Variants in TASOR observed in about 807,000 individuals in gnomAD.
The protein encoded by TASOR is transcription activation suppressor, also known as protein TASOR.
In TASOR, 53 loss-of-function variants were observed where a neutral mutation model predicts 178.6. That is an observed-to-expected ratio of 0.30 (90% CI 0.24 to 0.37). TASOR has a LOEUF of 0.37. TASOR is among the 10% of genes least tolerant of loss of function. The pLI, the probability that TASOR is intolerant of heterozygous loss-of-function variation, is 1.00. For missense variants in TASOR, 1,815 were observed against 1,971.4 expected, an observed-to-expected ratio of 0.92 and a Z score of 1.50; for synonymous variants, 713 against 696.2, an observed-to-expected ratio of 1.02 and a Z score of -0.38.
chr3:56,643,411 G>A (rs2077168615), intron 14 of TASOR, among the ~76,000 whole-genome samples: 1 of 152,046 alleles, frequency 6.6e-6, no homozygotes, highest in Non-Finnish European at 1.5e-5. Context: ...GAATGGGTTA[G>A]GAGGTTACCT....
Position 56,620,936 on chromosome 3 carries a change from A to C in TASOR, c.*2101T>G, listed in dbSNP as rs1375601671. ...GGGAGGCTGAGGCAGGCAGATCATG[A>C]GGTCAGGAGATCAAGACCATCCTGG... On this transcript the variant is annotated 3_prime_UTR_variant, in exon 24 of 24. Coordinates refer to ENST00000683822, the MANE Select transcript of TASOR (RefSeq NM_001365635.2). 6.6e-6 allele frequency: 1 copy of C among 152,338 alleles called. No homozygotes were observed. Among genetic ancestry groups the C allele is most frequent in the East Asian group, 1.9e-4 (1 of 5,196 alleles). The allele number at this position is 152,338 out of a possible 1,614,324, so 9.4% of individuals were successfully genotyped here. A position where few individuals can be genotyped will look rare whatever the true frequency, so the allele number is the denominator to read the frequency against.
At chr3:56,682,612 A>G (rs2031905915) in intron 1 of TASOR, 64 bp downstream of exon 1, 2 of 1,372,880 alleles carry the variant, frequency 1.5e-6, no homozygotes, top group Non-Finnish European at 1.9e-6. Flanking sequence ...GAGGAGATAG[A>G]AAGATTCTAA....
intron 23 of TASOR, chr3:56,623,931 T>C: frequency 9.5e-7 from 1 of 1,047,232 alleles, no homozygotes; most frequent in Non-Finnish European, 1.4e-6. Context: ...ACTAAACTAG[T>C]TGGTTAGCAC....
intron 17 of TASOR, among the ~76,000 whole-genome samples, chr3:56,637,083 G>A (rs548587244): frequency 6.6e-5 from 10 of 152,218 alleles, no homozygotes; most frequent in East Asian, 5.8e-4. Flanking sequence ...CACGAGAGAC[G>A]ACATGAGTAG....
Position 56,646,509 on chromosome 3 carries a change from T to G in TASOR, c.2215+13A>C. The G allele has an allele frequency of 6.3e-7, 1 of 1,575,404 alleles. No individual in the cohort carries two copies. Among genetic ancestry groups the G allele is most frequent in the Non-Finnish European group, 8.6e-7 (1 of 1,164,546 alleles). ...TTATTTTTGGCTGTTATAAGAGCAA[T>G]CTGATATTTTACCTTCATACAGATG... On this transcript the variant is annotated intron_variant, in intron 14 of 23. Transcript: ENST00000683822.
intron 1 of TASOR, among the ~76,000 whole-genome samples, chr3:56,674,054 T>C (rs1419842574): frequency 2.0e-5 from 3 of 152,150 alleles, no homozygotes. Flanking sequence ...TATACTCAAC[T>C]TAGCTCCTAT....
chr3:56,682,123 T>C (rs1578317633), intron 1 of TASOR, among the ~76,000 whole-genome samples: 2 of 152,250 alleles, frequency 1.3e-5, no homozygotes, highest in East Asian at 3.8e-4. Flanking sequence ...TGAAGTGTGA[T>C]GGAAAACAGC....
rs976303459 is a variant in TASOR, at chr3:56,682,699, G to A, written c.308C>T (p.Pro103Leu). Residue 103 changes from proline to leucine, a missense_variant, in exon 1 of 24, where the codon CCC becomes CTC. By Grantham distance (98) the Pro-to-Leu change is moderately conservative. Transcript: ENST00000683822. ...ERPVRRSFQI[P>L]RKSREKKALF... ...ACCTTTCTTTTCTCTGCTCTTCCTG[G>A]GGATCTGAAAACTCCTCCTAACAGG... 6.8e-7 allele frequency: 1 copy of A among 1,480,652 alleles called. No individual in the cohort carries two copies. The highest frequency in any genetic ancestry group is 9.0e-7 in the Non-Finnish European group (1 of 1,112,926). The allele number at this position is 1,480,652 out of a possible 1,614,324, so 91.7% of individuals were successfully genotyped here.
At chr3:56,624,221 A>G (rs1490635963) in intron 23 of TASOR, among the ~76,000 whole-genome samples, 1 of 152,220 alleles carries the variant, frequency 6.6e-6, no homozygotes, top group African/African-American at 2.4e-5. Context: ...TGCATACTCC[A>G]TAGTATGCAC....
chr3:56,670,054 TA>T lies in TASOR; in HGVS notation c.643+18del. ...CAACTTAGTAGTAGATATTTATATT[TA>T]AAAAGAAAAAAGATTACCCATGGAA... On this transcript the variant is annotated intron_variant, in intron 4 of 23. Transcript: ENST00000683822. The T allele has an allele frequency of 1.4e-6, 2 of 1,476,654 alleles. No homozygotes were observed. The highest frequency in any genetic ancestry group is 1.3e-5 in the South Asian group (1 of 75,868). The allele number at this position is 1,476,654 out of a possible 1,614,324, so 91.5% of individuals were successfully genotyped here.
At chr3:56,653,828 A>C (rs1441050586) in intron 11 of TASOR, among the ~76,000 whole-genome samples, 1 of 152,206 alleles carries the variant, frequency 6.6e-6, no homozygotes, top group Non-Finnish European at 1.5e-5. Flanking sequence ...AAAAATTGGA[A>C]ACTAAAAAAT....
At position 56,660,906 on chromosome 3, in the gene TASOR, T is replaced by C; in HGVS notation, c.1264+8A>G. On this transcript the variant is annotated splice_region_variant and intron_variant, in intron 10 of 23. Coordinates refer to ENST00000683822, the MANE Select transcript of TASOR (RefSeq NM_001365635.2). ...CTAATGCATTTCAATAAAATTAAAT[T>C]ACCTTACCTTCATTTGGACCTAAGT... 6.2e-7 allele frequency: 1 copy of C among 1,608,366 alleles called. No individual in the cohort carries two copies. Among genetic ancestry groups the C allele is most frequent in the Non-Finnish European group, 8.5e-7 (1 of 1,176,838 alleles).
In TASOR at chr3:56,633,882, CTCTG is replaced by C. The variant is rs751682937; in HGVS notation, c.2905_2908del (p.Gln969GlufsTer16). 1.7e-5 allele frequency: 27 copies of C among 1,603,900 alleles called. No homozygotes were observed. The highest frequency in any genetic ancestry group is 1.9e-5 in the Non-Finnish European group (22 of 1,174,712). ...GGATGGAAACTGGTAATCAGAACTT[CTCTG>C]TCTATTTATTACCCGGGGGTCGTTA... On this transcript the variant is annotated frameshift_variant, in exon 18 of 24. Coordinates refer to ENST00000683822, the MANE Select transcript of TASOR (RefSeq NM_001365635.2). LOFTEE classifies it high-confidence loss of function.
chr3:56,645,702 A>G (rs1019513707), intron 14 of TASOR, among the ~76,000 whole-genome samples: 8 of 152,228 alleles, frequency 5.3e-5, no homozygotes, highest in African/African-American at 1.7e-4. Context: ...AAGAACAACA[A>G]AAAAAGAAAA....
At chr3:56,662,062 G>A (rs1363707550) in intron 9 of TASOR, among the ~76,000 whole-genome samples, 2 of 150,730 alleles carry the variant, frequency 1.3e-5, no homozygotes, top group East Asian at 1.9e-4. Context: ...CCCGGGAGGC[G>A]AAGGTTGCAG....
rs770314651 is a variant in TASOR, at chr3:56,682,902, C to T, written c.105G>A (p.Glu35=). The T allele has an allele frequency of 1.6e-5, 24 of 1,539,682 alleles. No homozygotes were observed. Among genetic ancestry groups the T allele is most frequent in the South Asian group, 1.2e-4 (10 of 83,582 alleles). The change falls in exon 1 of 24, where the codon GAG becomes GAA. Residue 35 remains glutamate (E), a synonymous_variant. Coordinates refer to ENST00000683822, the MANE Select transcript of TASOR (RefSeq NM_001365635.2). ...DEMKQALPEL[E]SSQQNGGGGG... ...CGCCGCCGCCATTTTGTTGGGAGGA[C>T]TCAAGCTCCGGAAGCGCCTGCTTCA...
At chr3:56,675,973 G>A (rs1018421181) in intron 1 of TASOR, among the ~76,000 whole-genome samples, 7 of 152,060 alleles carry the variant, frequency 4.6e-5, no homozygotes, top group South Asian at 2.1e-4. Context: ...CACTATTTTC[G>A]AACTGTGCAC....
Position 56,643,867 on chromosome 3 carries a change from G to GC in TASOR, c.2216-2116dup, listed in dbSNP as rs1204589700. Among the ~76,000 whole-genome samples the GC allele has an allele frequency of 2.0e-5, 3 of 152,060 alleles. No individual in the cohort carries two copies. The East Asian group carries it at 5.8e-4, about 29-fold the overall frequency. The stretch of plus-strand genomic sequence containing the variant: ...AAATAAGTAAGAAACACCTAAAAAT[G>GC]CAAGTCTGATAGTCACTAGTTTTAG... On this transcript the variant is annotated intron_variant, in intron 14 of 23. Transcript: ENST00000683822.
chr3:56,644,854 TTC>T (rs147007321), intron 14 of TASOR, among the ~76,000 whole-genome samples: 96 of 152,234 alleles, frequency 6.3e-4, no homozygotes, highest in African/African-American at 2.2e-3. Flanking sequence ...AATGGAAATG[TTC>T]TCTCTCTGTA....
Sources: allele counts gnomAD v4.1 joint callset (sites outside exome capture counted in the v4.1 genomes callset), GRCh38; gene constraint gnomAD v4.1.1; transcripts MANE v1.5; gene names NCBI Gene and HGNC (gene_info 2026-07-23, HGNC 2026-07-21).